Variants in ZFC3H1 observed in about 807,000 individuals in gnomAD.
ZFC3H1 encodes zinc finger C3H1 domain-containing protein.
ZFC3H1 carries 71 observed loss-of-function variants against 243.7 expected under a neutral mutation model. That is an observed-to-expected ratio of 0.29 (90% CI 0.24 to 0.36). The LOEUF is 0.36. ZFC3H1 is among the 10% of genes least tolerant of loss of function. ZFC3H1 has a pLI of 1.00. For synonymous variants in ZFC3H1, 838 were observed against 813.0 expected (o/e 1.03, Z -0.52); for missense variants, 1,966 against 2,317.1 (o/e 0.85, Z 3.11).
intron 6 of ZFC3H1, 40 bp downstream of exon 6, chr12:71,642,396 T>C (rs1056285477): frequency 4.4e-6 from 7 of 1,584,320 alleles, no homozygotes; most frequent in Non-Finnish European, 6.0e-6. Context: ...CTCTATTTAA[T>C]ACATGTAAAT....
At chr12:71,641,607 G>T (rs1880604925) in intron 6 of ZFC3H1, among the ~76,000 whole-genome samples, 1 of 152,190 alleles carries the variant, frequency 6.6e-6, no homozygotes, top group Non-Finnish European at 1.5e-5. Context: ...AGATAAGTCA[G>T]ATTCTAGACT....
In ZFC3H1 at chr12:71,663,512, G is replaced by A; in HGVS notation, c.99C>T (p.Asn33=). The part of the protein sequence containing the change: ...EDGEISDDDN[N]SQIRSRSSSS... ...TGCTGCTCCGACTCCGTATCTGGCT[G>A]TTATTATCGTCGTCACTGATTTCCC... is the stretch of plus-strand genomic sequence containing the variant. Residue 33 remains asparagine, a synonymous_variant, in exon 1 of 35, where the codon AAC becomes AAT. Transcript: ENST00000378743. The A allele has an allele frequency of 6.2e-7, 1 of 1,613,562 alleles. No homozygotes were observed.
Position 71,634,764 on chromosome 12 carries a change from G to C in ZFC3H1, c.2300C>G (p.Pro767Arg), listed in dbSNP as rs192652541. The change falls in exon 11 of 35, where the codon CCG becomes CGG. Residue 767 changes from proline to arginine, a missense_variant. Pro to Arg is a moderately radical substitution (Grantham distance 103). This residue lies in a region of ZFC3H1 where 1,383 missense variants were observed against 1,723.7 expected (regional missense o/e 0.80). Coordinates refer to ENST00000378743, the MANE Select transcript of ZFC3H1 (RefSeq NM_144982.5). ...CTTCTTTTCTTCAGGCAAAGCCTCC[G>C]GTGTTCGCAGAGGATCATTTTCTTT... is the stretch of plus-strand genomic sequence containing the variant. Reference protein sequence around the residue: ...SEKENDPLRTPEALPEEKKIE... With the variant: ...SEKENDPLRTREALPEEKKIE... 4 of 1,605,016 alleles carry C rather than the reference G, an allele frequency of 2.5e-6. No individual in the cohort carries two copies. In the Admixed American group the frequency reaches 6.8e-5, roughly 27 times the overall value.
Position 71,656,890 on chromosome 12 carries a change from C to G in ZFC3H1, c.1010G>C (p.Ser337Thr), listed in dbSNP as rs1448477361. Residue 337 changes from serine to threonine, a missense_variant, in exon 2 of 35, where the codon AGT (serine) becomes ACT (threonine). By Grantham distance (58) the Ser-to-Thr change is moderately conservative (BLOSUM62 1). This residue lies in a region of ZFC3H1 where 484 missense variants were observed against 449.7 expected (regional missense o/e 1.08). Coordinates refer to ENST00000378743, the MANE Select transcript of ZFC3H1 (RefSeq NM_144982.5). ...GAAATATTTAATTCCATTACCTTGA[C>G]TAGAATCAGTAGTGTCGGATTTCAG... ...LSLKSDTTDSSQGLQDKEQNL... is the reference protein window; with the variant it reads ...LSLKSDTTDSTQGLQDKEQNL... The G allele has an allele frequency of 6.2e-7, 1 of 1,608,552 alleles. No homozygotes were observed. Among genetic ancestry groups the G allele is most frequent in the African/African-American group, 1.3e-5 (1 of 74,638 alleles).
At chr12:71,615,761 T>G (rs1284711151) in intron 27 of ZFC3H1, among the ~76,000 whole-genome samples, 1 of 152,062 alleles carries the variant, frequency 6.6e-6, no homozygotes, top group Admixed American at 6.6e-5. Flanking sequence ...CAAGTAATTC[T>G]CCTGCCTCAA....
rs779501969 is a variant in ZFC3H1, at chr12:71,626,329, G to T, written c.4248C>A (p.Thr1416=). The change falls in exon 22 of 35, where the codon ACC becomes ACA. Residue 1416 remains threonine (T), a synonymous_variant. Transcript: ENST00000378743. ...CACACATTTCCTGCACCTCGTCCTTGGTTCCTCTTTTTGAGAACAATCTGA... is the reference window on the plus strand; with the variant it reads ...CACACATTTCCTGCACCTCGTCCTTTGTTCCTCTTTTTGAGAACAATCTGA... The part of the protein sequence containing the change: ...HYLRLFSKRG[T]KDEVQEMCET... 17 of 1,613,764 alleles carry T rather than the reference G, an allele frequency of 1.1e-5. No individual in the cohort carries two copies. Among genetic ancestry groups the T allele is most frequent in the East Asian group, 2.2e-5 (1 of 44,848 alleles).
At chr12:71,648,682 G>T (rs1443336434) in intron 2 of ZFC3H1, among the ~76,000 whole-genome samples, 1 of 152,156 alleles carries the variant, frequency 6.6e-6, no homozygotes. Context: ...GACTAATCTA[G>T]CATCTAAATC....
intron 5 of ZFC3H1, among the ~76,000 whole-genome samples, chr12:71,643,410 C>T (rs1413092712): frequency 6.7e-6 from 1 of 148,828 alleles, no homozygotes; most frequent in Non-Finnish European, 1.5e-5. Context: ...AAGACTCCAT[C>T]TCAAAAAAAA....
At chr12:71,611,747 G>T in intron 32 of ZFC3H1, 39 bp downstream of exon 32, 1 of 1,349,598 alleles carries the variant, frequency 7.4e-7, no homozygotes, top group Non-Finnish European at 1.0e-6. Context: ...ATAAATAAAA[G>T]CAATAGCTAT....
chr12:71,653,736 C>T (rs191206237), intron 2 of ZFC3H1, among the ~76,000 whole-genome samples: 1 of 152,316 alleles, frequency 6.6e-6, no homozygotes, highest in Admixed American at 6.5e-5. Context: ...TAATTAGGGG[C>T]TGGGTGTGGT....
chr12:71,615,396 G>T, intron 27 of ZFC3H1, 80 bp from the exon 28 acceptor site: 1 of 910,208 alleles, frequency 1.1e-6, no homozygotes, highest in Non-Finnish European at 1.7e-6. Flanking sequence ...AAAATCGTTA[G>T]TTTCACTTAA....
At chr12:71,619,272 G>C in intron 27 of ZFC3H1, 43 bp downstream of exon 27, 4 of 1,559,264 alleles carry the variant, frequency 2.6e-6, no homozygotes, top group Non-Finnish European at 3.5e-6. Flanking sequence ...ACTGAACTGT[G>C]CTCTCTCTCA....
intron 5 of ZFC3H1, 113 bp downstream of exon 5, chr12:71,643,982 T>A: frequency 2.0e-6 from 2 of 979,812 alleles, no homozygotes; most frequent in Non-Finnish European, 2.9e-6. Context: ...CCTACCTTCC[T>A]TTTTTCCAAG....
intron 12 of ZFC3H1, 40 bp from the exon 13 acceptor site, chr12:71,633,478 A>G (rs1239060618): frequency 1.4e-6 from 2 of 1,470,148 alleles, no homozygotes; most frequent in Admixed American, 2.7e-5. Context: ...ATGTTTCCCT[A>G]CAAGAGCAGA....
rs372481067 is a variant in ZFC3H1 at position 71,628,285 on chromosome 12, A to G, written c.3947-351T>C. ...ATTCACATTTGTTAAACTGCAAATT[A>G]TAATTAAGAAATTAAAAGTCATAAT... On this transcript the variant is annotated intron_variant, in intron 20 of 34. Transcript: ENST00000378743. Among the ~76,000 whole-genome samples, 12 of 152,372 alleles carry G rather than the reference A, an allele frequency of 7.9e-5. No individual in the cohort carries two copies. In the South Asian group the frequency reaches 1.2e-3, roughly 16 times the overall value.
chr12:71,662,958 A>G, intron 1 of ZFC3H1, 55 bp downstream of exon 1: 1 of 1,477,388 alleles, frequency 6.8e-7, no homozygotes, highest in Non-Finnish European at 9.1e-7. Flanking sequence ...CCTAGTAATG[A>G]CGCTAAAGGG....
At position 71,636,834 on chromosome 12, in the gene ZFC3H1, T is replaced by G. The variant is rs755184142; in HGVS notation, c.1935+16A>C. On this transcript the variant is annotated intron_variant, in intron 8 of 34. Coordinates refer to ENST00000378743, the MANE Select transcript of ZFC3H1 (RefSeq NM_144982.5). ...AGCTCAAGAGCACCACCTAGAGGTT[T>G]AGGTACCTAAATTACCTCTGGCTTA... 1.2e-6 allele frequency: 2 copies of G among 1,612,978 alleles called. No homozygotes were observed. The highest frequency in any genetic ancestry group is 1.7e-6 in the Non-Finnish European group (2 of 1,179,288).
rs558518855 is a variant in ZFC3H1, at chr12:71,638,430, T to C, written c.1713A>G (p.Pro571=). 4 of 1,612,096 alleles carry C rather than the reference T, an allele frequency of 2.5e-6. No individual in the cohort carries two copies. Among genetic ancestry groups the C allele is most frequent in the African/African-American group, 2.7e-5 (2 of 74,902 alleles). ...SPAPSLSLPP[P]PQVSSLPPLS... is the part of the protein sequence containing the mutation. ...AATTCTGACTTACAGAAACCTGAGG[T>C]GGTGGAGGCAAAGAAAGAGATGGTG... Residue 571 remains proline, a synonymous_variant, in exon 7 of 35, where the codon CCA becomes CCG. Coordinates refer to ENST00000378743, the MANE Select transcript of ZFC3H1 (RefSeq NM_144982.5).
intron 18 of ZFC3H1, 83 bp downstream of exon 18, chr12:71,630,517 T>A (rs551592565): frequency 6.7e-7 from 1 of 1,498,160 alleles, no homozygotes; most frequent in East Asian, 2.3e-5. Context: ...GTAAGTATTT[T>A]ACAATGTCAA....
Sources: gnomAD v4.1 joint callset for allele counts (sites outside exome capture counted in the v4.1 genomes callset) on GRCh38, gnomAD v4.1.1 for gene constraint, gnomAD v4.1.1 regional missense constraint, MANE v1.5 for transcripts, NCBI Gene and HGNC (gene_info 2026-07-23, HGNC 2026-07-21) for gene names.